Variants in AJAP1 observed in about 807,000 individuals in gnomAD.
The protein encoded by AJAP1 is adherens junction-associated protein 1.
A neutral mutation model predicts 35.0 loss-of-function variants in AJAP1; 5 were observed. That is an observed-to-expected ratio of 0.14 (90% confidence interval 0.07 to 0.30). The LOEUF (loss-of-function observed/expected upper bound fraction) is 0.30, where lower values mean the gene tolerates loss of function less well. AJAP1 is among the 10% of genes least tolerant of loss of function. AJAP1 has a pLI of 1.00. For missense variants in AJAP1, 586 were observed against 571.0 expected (o/e 1.03, Z -0.27); for synonymous variants, 284 against 249.3 (o/e 1.14, Z -1.31).
In AJAP1 at chr1:4,712,128, G is replaced by T; in HGVS notation, c.258G>T (p.Val86=). The part of the protein sequence containing the change: ...APVWSPRPPR[V]ERIHGQMQMP... ...TGTGGAGCCCCCGGCCGCCCCGAGT[G>T]GAGCGGATCCACGGGCAGATGCAGA... is the stretch of plus-strand genomic sequence containing the variant. Residue 86 remains valine, a synonymous_variant, in exon 2 of 6, where the codon GTG becomes GTT. Transcript: ENST00000378191. The T allele has an allele frequency of 1.3e-6, 2 of 1,548,896 alleles. No individual in the cohort carries two copies. The highest frequency in any genetic ancestry group is 8.7e-7 in the Non-Finnish European group (1 of 1,154,796).
chr1:4,662,100 T>C (rs980577142), intron 1 of AJAP1, among the ~76,000 whole-genome samples: 2 of 152,068 alleles, frequency 1.3e-5, no homozygotes, highest in Admixed American at 1.3e-4. Context: ...TGAAGCACAA[T>C]TTACATGCAA....
intron 2 of AJAP1, among the ~76,000 whole-genome samples, chr1:4,739,802 C>T (rs1570177555): frequency 1.3e-5 from 2 of 152,214 alleles, no homozygotes; most frequent in East Asian, 3.9e-4. Flanking sequence ...CTCACTTCAA[C>T]GTTGAATTGT....
intron 1 of AJAP1, among the ~76,000 whole-genome samples, chr1:4,706,566 C>A (rs1309930892): frequency 1.3e-5 from 2 of 152,162 alleles, no homozygotes; most frequent in Non-Finnish European, 2.9e-5. Flanking sequence ...AAGGTCCTGT[C>A]CCACCCTGAA....
intron 1 of AJAP1, among the ~76,000 whole-genome samples, chr1:4,705,307 C>A (rs1367205064): frequency 2.0e-5 from 3 of 148,070 alleles, no homozygotes; most frequent in African/African-American, 7.4e-5. Context: ...TAGGCATTAC[C>A]ATTCAGGACA....
chr1:4,757,150 G>T (rs888305684), intron 2 of AJAP1, among the ~76,000 whole-genome samples: 3 of 152,222 alleles, frequency 2.0e-5, no homozygotes, highest in African/African-American at 7.2e-5. Flanking sequence ...GTCAGTGGAG[G>T]CCGCCTCACT....
chr1:4,660,273 T>G (rs761026620), intron 1 of AJAP1, among the ~76,000 whole-genome samples: 1 of 152,204 alleles, frequency 6.6e-6, no homozygotes, highest in Non-Finnish European at 1.5e-5. Context: ...GGTACAATAC[T>G]CATACTACTA....
In AJAP1 at chr1:4,712,359, T is replaced by C; in HGVS notation, c.489T>C (p.Gly163=). 1 of 1,516,706 alleles carries C rather than the reference T, an allele frequency of 6.6e-7. No individual in the cohort carries two copies. Among genetic ancestry groups the C allele is most frequent in the Middle Eastern group, 1.8e-4 (1 of 5,690 alleles). The allele number at this position is 1,516,706 out of a possible 1,614,324, so 94.0% of individuals were successfully genotyped here. ...RRGKRHLQGD[G]LSSFDSRGSR... ...GCAAGAGGCACCTGCAGGGGGACGG[T>C]CTCAGCAGCTTCGACTCCAGAGGCA... Residue 163 remains glycine, a synonymous_variant, in exon 2 of 6, where the codon GGT becomes GGC. Coordinates refer to ENST00000378191, the MANE Select transcript of AJAP1 (RefSeq NM_018836.4).
intron 2 of AJAP1, among the ~76,000 whole-genome samples, chr1:4,742,763 C>T (rs531907157): frequency 2.0e-5 from 3 of 152,200 alleles, no homozygotes; most frequent in African/African-American, 7.2e-5. Context: ...ACCGTTCCCC[C>T]ACCCTAGCCC....
chr1:4,665,718 C>T (rs1639100660), intron 1 of AJAP1, among the ~76,000 whole-genome samples: 1 of 152,188 alleles, frequency 6.6e-6, no homozygotes. Context: ...GCCTATGGGC[C>T]TGACATCCAG....
Position 4,692,708 on chromosome 1 carries a change from C to T in AJAP1, c.30-19192C>T, listed in dbSNP as rs1193047934. Reference sequence around the variant, plus strand: ...CACTTCCTCCAAGCAGCCTTCCAGGCTCAGCCAAGCAGAGATGAAGCCACC... The same window carrying T: ...CACTTCCTCCAAGCAGCCTTCCAGGTTCAGCCAAGCAGAGATGAAGCCACC... On this transcript the variant is annotated intron_variant, in intron 1 of 5. Coordinates refer to ENST00000378191, the MANE Select transcript of AJAP1 (RefSeq NM_018836.4). This position sits in a 1 kb window ranked among gnomAD's most constrained non-coding sequence, Gnocchi z 4.4. Among the ~76,000 whole-genome samples, 1 of 152,222 alleles carries T rather than the reference C, an allele frequency of 6.6e-6. No homozygotes were observed. Among genetic ancestry groups the T allele is most frequent in the Non-Finnish European group, 1.5e-5 (1 of 68,050 alleles).
chr1:4,691,413 G>T (rs1639735556), intron 1 of AJAP1, among the ~76,000 whole-genome samples: 1 of 152,234 alleles, frequency 6.6e-6, no homozygotes, highest in Admixed American at 6.5e-5. Flanking sequence ...CTGTGCTTCT[G>T]TCGTCAGCAG....
chr1:4,754,258 A>G lies in AJAP1; in HGVS notation c.830-15595A>G, dbSNP rs114381554. Reference sequence around the variant, plus strand: ...TTAAAGACTTCCTGGCACATAGCACACTCATTTGTTTACATTTGTCTGTGG... The same window carrying G: ...TTAAAGACTTCCTGGCACATAGCACGCTCATTTGTTTACATTTGTCTGTGG... On this transcript the variant is annotated intron_variant, in intron 2 of 5. Coordinates refer to ENST00000378191, the MANE Select transcript of AJAP1 (RefSeq NM_018836.4). Among the ~76,000 whole-genome samples the G allele has an allele frequency of 6.6e-3, 1,006 of 152,146 alleles. 18 individuals carry two copies. The highest frequency in any genetic ancestry group is 0.022 in the African/African-American group (923 of 41,476).
chr1:4,699,196 C>A (rs1570126511), intron 1 of AJAP1, among the ~76,000 whole-genome samples: 1 of 152,196 alleles, frequency 6.6e-6, no homozygotes, highest in East Asian at 1.9e-4. Flanking sequence ...TGCCCAAACC[C>A]ACCTGACCCC....
rs565348209 is a variant in AJAP1, at chr1:4,665,059, G to A, written c.29+9605G>A. ...CTTGGAAAGGAGTGTGGTAAAATGCGGAAAAAGCCCCACGAGAGCTGGTTT... is the reference window on the plus strand; with the variant it reads ...CTTGGAAAGGAGTGTGGTAAAATGCAGAAAAAGCCCCACGAGAGCTGGTTT... On this transcript the variant is annotated intron_variant, in intron 1 of 5. Transcript: ENST00000378191. Among the ~76,000 whole-genome samples, 3 of 152,078 alleles carry A rather than the reference G, an allele frequency of 2.0e-5. 1 individual carries two copies. Among genetic ancestry groups the A allele is most frequent in the African/African-American group, 4.8e-5 (2 of 41,468 alleles).
At chr1:4,742,770 G>T (rs1226097628) in intron 2 of AJAP1, among the ~76,000 whole-genome samples, 1 of 152,162 alleles carries the variant, frequency 6.6e-6, no homozygotes, top group African/African-American at 2.4e-5. Flanking sequence ...CCCCACCCTA[G>T]CCCAGGTAGA....
chr1:4,745,633 G>T (rs1392644643), intron 2 of AJAP1, among the ~76,000 whole-genome samples: 1 of 152,222 alleles, frequency 6.6e-6, no homozygotes, highest in East Asian at 1.9e-4. Flanking sequence ...CCTTGGGACT[G>T]CCAGAGCACA....
chr1:4,684,721 G>C (rs1394474338), intron 1 of AJAP1, among the ~76,000 whole-genome samples: 1 of 152,134 alleles, frequency 6.6e-6, no homozygotes, highest in African/African-American at 2.4e-5. Context: ...AGGCACAAAG[G>C]TATCACTGTC....
At chr1:4,760,393 A>G (rs1641537863) in intron 2 of AJAP1, among the ~76,000 whole-genome samples, 1 of 151,938 alleles carries the variant, frequency 6.6e-6, no homozygotes, top group African/African-American at 2.4e-5. Flanking sequence ...GTGTTCATGC[A>G]TGTGTGTTCA....
At chr1:4,729,837 C>T (rs1461125778) in intron 2 of AJAP1, among the ~76,000 whole-genome samples, 5 of 152,192 alleles carry the variant, frequency 3.3e-5, no homozygotes, top group Non-Finnish European at 7.3e-5. Flanking sequence ...ATTTAGGGGC[C>T]ACCCTGATCA....
Sources: gnomAD v4.1 joint callset for allele counts (sites outside exome capture counted in the v4.1 genomes callset) on GRCh38, gnomAD v4.1.1 for gene constraint, Gnocchi (gnomAD v3.1) non-coding constraint, MANE v1.5 for transcripts, NCBI Gene and HGNC (gene_info 2026-07-23, HGNC 2026-07-21) for gene names.